DNAJB6: variants seen among roughly 807,000 people sequenced by gnomAD.
DNAJB6 encodes the protein dnaJ homolog subfamily B member 6.
A neutral mutation model predicts 42.7 loss-of-function variants in DNAJB6; 16 were observed. The observed-to-expected ratio is 0.37, with a 90% confidence interval of 0.25 to 0.57. DNAJB6 has a LOEUF of 0.57. Among genes scored for constraint, DNAJB6 ranks in the 20% least tolerant of loss-of-function variants. DNAJB6 has a pLI of 0.74. For missense variants in DNAJB6, 347 were observed against 416.8 expected (o/e 0.83, Z 1.46); for synonymous variants, 170 against 163.5 (o/e 1.04, Z -0.30).
chr7:157,377,678 C>A (rs1219361946), intron 5 of DNAJB6, among the ~76,000 whole-genome samples: 1 of 152,182 alleles, frequency 6.6e-6, no homozygotes, highest in Non-Finnish European at 1.5e-5. Context: ...GGGAGGCAAG[C>A]TGCTTTACCA....
rs916821249 is a variant in DNAJB6 at position 157,353,351 on chromosome 7, C to T, written c.-26-5196C>T. Among the ~76,000 whole-genome samples, 3 of 152,156 alleles carry T rather than the reference C, an allele frequency of 2.0e-5. No individual in the cohort carries two copies. The East Asian group carries it at 5.8e-4, about 29-fold the overall frequency. On this transcript the variant is annotated intron_variant, in intron 1 of 9. Transcript: ENST00000262177. ...ATAGTACAGGGATTTTCCTGTATAC[C>T]ATTCACCCAACTTCCCTTAATCTTT... is the stretch of plus-strand genomic sequence containing the variant.
At chr7:157,414,870 G>T (rs986586711) in intron 9 of DNAJB6, 16 of 152,442 alleles carry the variant, frequency 1.0e-4, no homozygotes, top group African/African-American at 3.8e-4. Context: ...ACACTCAGTG[G>T]ACTTGCACCT....
At chr7:157,410,101 T>A in intron 9 of DNAJB6, 100 bp downstream of exon 9, 1 of 1,438,204 alleles carries the variant, frequency 7.0e-7, no homozygotes. Context: ...TGCTGTGTTC[T>A]GACCTGAGCG....
rs769285457 is a variant in DNAJB6, at chr7:157,382,311, G to A, written c.412G>A (p.Gly138Arg). ...CCGAGGAAGCAGAAGCCGAGGGACG[G>A]GGTCGTTTTTCTCTGCGTTCAGTGG... Reference protein sequence around the residue: ...GPRGSRSRGTGSFFSAFSGFP... With the variant: ...GPRGSRSRGTRSFFSAFSGFP... The change falls in exon 6 of 10, where the codon GGG (glycine) becomes AGG (arginine). Residue 138 changes from glycine (G) to arginine (R), a missense_variant. Around this residue, in one of 3 missense-constraint regions of DNAJB6, gnomAD observed 264 missense variants for 288.0 expected, o/e 0.92. Transcript: ENST00000262177. The A allele has an allele frequency of 3.1e-6, 5 of 1,612,160 alleles. No homozygotes were observed. Among genetic ancestry groups the A allele is most frequent in the Non-Finnish European group, 3.4e-6 (4 of 1,179,748 alleles).
At chr7:157,343,000 T>TTG (rs1798490442) in intron 1 of DNAJB6, among the ~76,000 whole-genome samples, 2 of 151,700 alleles carry the variant, frequency 1.3e-5, no homozygotes, top group African/African-American at 4.9e-5. Flanking sequence ...GCTTTTTTTT[T>TTG]TTGTTGTTTG....
At chr7:157,345,082 C>A (rs1051152330) in intron 1 of DNAJB6, among the ~76,000 whole-genome samples, 28 of 152,030 alleles carry the variant, frequency 1.8e-4, no homozygotes, top group African/African-American at 6.8e-4. Context: ...CAACCTCTGC[C>A]TTCCAGGTTC....
chr7:157,340,815 C>T (rs1293230649), intron 1 of DNAJB6, among the ~76,000 whole-genome samples: 2 of 152,056 alleles, frequency 1.3e-5, no homozygotes, highest in African/African-American at 2.4e-5. Context: ...ATGACAGGCG[C>T]GTGTCACCAC....
At chr7:157,357,402 C>T (rs950934739) in intron 1 of DNAJB6, among the ~76,000 whole-genome samples, 2 of 149,690 alleles carry the variant, frequency 1.3e-5, no homozygotes, top group African/African-American at 4.9e-5. Flanking sequence ...GCAGTCTCTG[C>T]CTCCTGGGTT....
At chr7:157,342,680 C>T (rs1271309103) in intron 1 of DNAJB6, among the ~76,000 whole-genome samples, 1 of 151,970 alleles carries the variant, frequency 6.6e-6, no homozygotes, top group Non-Finnish European at 1.5e-5. Flanking sequence ...TGGTCTTGAA[C>T]TTGTGACCTC....
At chr7:157,364,103 ATTTTTT>A (rs1226948515) in intron 3 of DNAJB6, among the ~76,000 whole-genome samples, 1 of 147,114 alleles carries the variant, frequency 6.8e-6, no homozygotes, top group East Asian at 2.0e-4. Flanking sequence ...AACAAAAAAA[ATTTTTT>A]TTTTTTTTAA....
chr7:157,391,972 G>A (rs561564429), intron 8 of DNAJB6, among the ~76,000 whole-genome samples: 32 of 151,942 alleles, frequency 2.1e-4, no homozygotes, highest in South Asian at 2.1e-4. Context: ...GCTTGGTGGC[G>A]TGCGCTTGTA....
chr7:157,384,114 C>G (rs938490722), intron 6 of DNAJB6, among the ~76,000 whole-genome samples: 4 of 152,146 alleles, frequency 2.6e-5, no homozygotes, highest in Non-Finnish European at 5.9e-5. Context: ...GACAAAAGCT[C>G]TAACCAGTAG....
At chr7:157,369,955 A>T (rs1800085199) in intron 5 of DNAJB6, among the ~76,000 whole-genome samples, 1 of 149,642 alleles carries the variant, frequency 6.7e-6, no homozygotes, top group Admixed American at 6.7e-5. Context: ...TCTTAAGATT[A>T]TTAAACGGGC....
At chr7:157,409,757 G>A in intron 8 of DNAJB6, 38 bp from the exon 9 acceptor site, 1 of 1,489,330 alleles carries the variant, frequency 6.7e-7, no homozygotes, top group Non-Finnish European at 8.9e-7. Context: ...GGCCGCCGCC[G>A]CTCACTCACG....
At chr7:157,399,599 C>T (rs1486747796) in intron 8 of DNAJB6, among the ~76,000 whole-genome samples, 3 of 152,108 alleles carry the variant, frequency 2.0e-5, no homozygotes, top group African/African-American at 4.8e-5. Flanking sequence ...GGCCTGAGTG[C>T]GGTGACATCA....
intron 1 of DNAJB6, among the ~76,000 whole-genome samples, chr7:157,348,629 T>TTCTAACTAC (rs910003393): frequency 3.3e-5 from 5 of 152,194 alleles, no homozygotes; most frequent in African/African-American, 1.2e-4. Context: ...ATCACTCTCT[T>TTCTAACTAC]AAGTCCATCT....
In DNAJB6 at chr7:157,385,533, T is replaced by C; in HGVS notation, c.621-8T>C. On this transcript the variant is annotated splice_polypyrimidine_tract_variant and splice_region_variant and intron_variant, in intron 7 of 9. Coordinates refer to ENST00000262177, the MANE Select transcript of DNAJB6 (RefSeq NM_058246.4). Reference sequence around the variant, plus strand: ...AGAAAGGTTTTTAAATGAATTTTTTTCCTACAGAATTGTCGAGAACGGTCA... The same window carrying C: ...AGAAAGGTTTTTAAATGAATTTTTTCCCTACAGAATTGTCGAGAACGGTCA... 3.1e-6 allele frequency: 5 copies of C among 1,609,446 alleles called. No individual in the cohort carries two copies. Among genetic ancestry groups the C allele is most frequent in the East Asian group, 2.2e-5 (1 of 44,786 alleles).
chr7:157,394,490 C>T (rs1009237708), intron 8 of DNAJB6, among the ~76,000 whole-genome samples: 12 of 151,814 alleles, frequency 7.9e-5, no homozygotes, highest in Non-Finnish European at 1.5e-4. Flanking sequence ...GATGACACCA[C>T]TGCACTCCAG....
intron 8 of DNAJB6, among the ~76,000 whole-genome samples, chr7:157,387,969 C>T (rs577713603): frequency 2.0e-5 from 3 of 152,058 alleles, no homozygotes; most frequent in Admixed American, 6.6e-5. Flanking sequence ...CCTCAGCCTC[C>T]TGAGTAGCTG....
Sources: gnomAD v4.1 joint callset for allele counts (sites outside exome capture counted in the v4.1 genomes callset) on GRCh38, gnomAD v4.1.1 for gene constraint, gnomAD v4.1.1 regional missense constraint, MANE v1.5 for transcripts, NCBI Gene and HGNC (gene_info 2026-07-23, HGNC 2026-07-21) for gene names.